KHDRBS2: variants seen among roughly 807,000 people sequenced by gnomAD.
KHDRBS2 encodes the protein KH domain-containing, RNA-binding, signal transduction-associated protein 2.
Under a neutral mutation model 44.3 loss-of-function variants are expected in KHDRBS2, and 26 were observed. The observed-to-expected ratio is 0.59, with a 90% CI of 0.43 to 0.81. The LOEUF (loss-of-function observed/expected upper bound fraction) is 0.81. KHDRBS2 is among the 40% of genes least tolerant of loss of function. The probability of loss-of-function intolerance (pLI) is 0.00; values close to 1 mark genes in which losing one functional copy is unlikely to be tolerated. For missense variants in KHDRBS2, 476 were observed against 433.1 expected, an observed-to-expected ratio of 1.10 and a Z score of -0.88; for synonymous variants, 194 against 151.1, an observed-to-expected ratio of 1.28 and a Z score of -2.08.
intron 1 of KHDRBS2, among the ~76,000 whole-genome samples, chr6:62,184,769 C>T (rs1305147657): frequency 6.6e-6 from 1 of 151,778 alleles, no homozygotes; most frequent in African/African-American, 2.4e-5. Flanking sequence ...TTTTTCTTTT[C>T]ATCATATTTA....
intron 6 of KHDRBS2, among the ~76,000 whole-genome samples, chr6:61,869,957 C>G (rs570989015): frequency 9.5e-6 from 1 of 105,116 alleles, no homozygotes; most frequent in African/African-American, 4.2e-5. Flanking sequence ...GAACTAGCTG[C>G]AGGAGTGTTT....
At chr6:61,831,317 T>C (rs769115198) in intron 6 of KHDRBS2, among the ~76,000 whole-genome samples, 43 of 152,062 alleles carry the variant, frequency 2.8e-4, no homozygotes, top group Non-Finnish European at 5.6e-4. Flanking sequence ...CCCTAAAGCA[T>C]TACCAGTTGT....
intron 6 of KHDRBS2, among the ~76,000 whole-genome samples, chr6:61,780,522 A>T (rs1782775970): frequency 6.7e-6 from 1 of 149,176 alleles, no homozygotes; most frequent in African/African-American, 2.5e-5. Context: ...TAATATAATA[A>T]AATAAGCAAA....
At chr6:61,728,290 G>T (rs1360692390) in intron 7 of KHDRBS2, among the ~76,000 whole-genome samples, 2 of 151,926 alleles carry the variant, frequency 1.3e-5, no homozygotes, top group Non-Finnish European at 2.9e-5. Flanking sequence ...CCTCTTGGAG[G>T]GGGGTTGTGG....
chr6:61,574,428 G>C, the KHDRBS2 span: 1 of 1,493,220 alleles, frequency 6.7e-7, no homozygotes, highest in Non-Finnish European at 8.9e-7. Flanking sequence ...AGACCATATG[G>C]AGCTTCAATT....
At chr6:62,142,378 CTGTA>C (rs1813015154) in intron 2 of KHDRBS2, among the ~76,000 whole-genome samples, 10 of 152,206 alleles carry the variant, frequency 6.6e-5, no homozygotes, top group Middle Eastern at 3.4e-3. Flanking sequence ...GAGTGTACAA[CTGTA>C]CAACCTTCCA....
chr6:62,186,615 A>C (rs556151653), intron 1 of KHDRBS2, among the ~76,000 whole-genome samples: 138 of 23,748 alleles, frequency 5.8e-3, no homozygotes, highest in African/African-American at 0.021. Flanking sequence ...AATGAAGGAG[A>C]AAATGCAGCT....
chr6:62,112,996 T>C (rs1805375610), intron 2 of KHDRBS2, among the ~76,000 whole-genome samples: 5 of 152,092 alleles, frequency 3.3e-5, no homozygotes. Context: ...TACCTATCAT[T>C]TTTTTTAAAA....
chr6:61,607,707 A>C, the KHDRBS2 span, among the ~76,000 whole-genome samples: 36 of 152,116 alleles, frequency 2.4e-4, no homozygotes, highest in African/African-American at 8.4e-4. Flanking sequence ...TCTTTTTTTG[A>C]GGCAGAGTCT....
intron 4 of KHDRBS2, among the ~76,000 whole-genome samples, chr6:61,941,972 T>C (rs1307407923): frequency 1.3e-5 from 2 of 152,024 alleles, no homozygotes; most frequent in African/African-American, 4.8e-5. Flanking sequence ...ATTATTGTAT[T>C]ATTATTATTA....
At chr6:62,278,041 C>T (rs1841249182) in intron 1 of KHDRBS2, among the ~76,000 whole-genome samples, 1 of 152,022 alleles carries the variant, frequency 6.6e-6, no homozygotes, top group Non-Finnish European at 1.5e-5. Context: ...GTTATTCCAC[C>T]TCTAAAAAAA....
At chr6:62,137,321 A>G (rs1293180669) in intron 2 of KHDRBS2, among the ~76,000 whole-genome samples, 1 of 151,936 alleles carries the variant, frequency 6.6e-6, no homozygotes, top group Non-Finnish European at 1.5e-5. Flanking sequence ...TCTTAAATCA[A>G]TATAATTCTC....
chr6:62,039,082 TA>T (rs1262413976), intron 3 of KHDRBS2, among the ~76,000 whole-genome samples: 4 of 151,966 alleles, frequency 2.6e-5, no homozygotes, highest in East Asian at 3.9e-4. Flanking sequence ...GAATCCAGTA[TA>T]AAAAAATTAA....
chr6:61,939,360 T>C (rs1282694135), intron 4 of KHDRBS2, among the ~76,000 whole-genome samples: 1 of 152,218 alleles, frequency 6.6e-6, no homozygotes, highest in African/African-American at 2.4e-5. Context: ...CTTACTCTTA[T>C]TTCAAATTCG....
intron 6 of KHDRBS2, among the ~76,000 whole-genome samples, chr6:61,797,777 C>A (rs941170131): frequency 1.4e-5 from 2 of 147,200 alleles, no homozygotes; most frequent in Admixed American, 1.4e-4. Context: ...GTATATATAT[C>A]GTATATAATT....
At chr6:61,571,950 G>T in the KHDRBS2 span, among the ~76,000 whole-genome samples, 1 of 151,754 alleles carries the variant, frequency 6.6e-6, no homozygotes, top group South Asian at 2.1e-4. Context: ...ATCAGCAGAA[G>T]AAAAAATTTA....
At chr6:61,956,305 T>C (rs947171307) in intron 4 of KHDRBS2, among the ~76,000 whole-genome samples, 1 of 152,216 alleles carries the variant, frequency 6.6e-6, no homozygotes, top group East Asian at 1.9e-4. Flanking sequence ...ACCAATGTTA[T>C]TGACTTGGTT....
the KHDRBS2 span, among the ~76,000 whole-genome samples, chr6:61,617,955 A>G: frequency 6.6e-6 from 1 of 152,122 alleles, no homozygotes; most frequent in African/African-American, 2.4e-5. Context: ...TTTCCAAGAA[A>G]ATTTGCACTA....
chr6:62,131,193 T>G (rs1021466008), intron 2 of KHDRBS2, among the ~76,000 whole-genome samples: 3 of 152,220 alleles, frequency 2.0e-5, no homozygotes, highest in Non-Finnish European at 2.9e-5. Context: ...TGAGAACCTT[T>G]GATAGTAGAA....
Sources: allele counts gnomAD v4.1 joint callset (sites outside exome capture counted in the v4.1 genomes callset), GRCh38; gene constraint gnomAD v4.1.1; transcripts MANE v1.5; gene names NCBI Gene and HGNC (gene_info 2026-07-23, HGNC 2026-07-21).